Variants in PPM1G observed in about 807,000 individuals in gnomAD.
The protein encoded by PPM1G is protein phosphatase, Mg2+/Mn2+ dependent 1G, also known as protein phosphatase 1G.
PPM1G carries 12 observed loss-of-function variants against 59.4 expected under a neutral mutation model. That is an observed-to-expected ratio of 0.20 (90% CI 0.13 to 0.33). PPM1G has a LOEUF of 0.33. Ranked by LOEUF, PPM1G falls within the 10% of genes least tolerant of loss-of-function variation. The pLI, the probability that PPM1G is intolerant of heterozygous loss-of-function variation, is 1.00. For missense variants in PPM1G, 392 were observed against 681.3 expected, an observed-to-expected ratio of 0.58 and a Z score of 4.73; for synonymous variants, 245 against 251.9, an observed-to-expected ratio of 0.97 and a Z score of 0.26.
At chr2:27,395,687 T>A (rs926373105) in intron 1 of PPM1G, among the ~76,000 whole-genome samples, 17 of 151,006 alleles carry the variant, frequency 1.1e-4, no homozygotes, top group African/African-American at 3.4e-4. Flanking sequence ...TACGAAAAAA[T>A]TTTTTAAATT....
intron 1 of PPM1G, among the ~76,000 whole-genome samples, chr2:27,399,173 A>C (rs2950833): frequency 2.1e-4 from 21 of 99,938 alleles, no homozygotes; most frequent in African/African-American, 6.7e-4. Flanking sequence ...ACAACAACAA[A>C]AACAAAACAA....
chr2:27,393,130 G>A (rs1683957073), intron 1 of PPM1G: 4 of 1,348,196 alleles, frequency 3.0e-6, no homozygotes, highest in Admixed American at 1.7e-5. Context: ...AGGAAGATTC[G>A]GCCACCTCGT....
At chr2:27,399,844 G>A (rs1338658874) in intron 1 of PPM1G, among the ~76,000 whole-genome samples, 1 of 151,462 alleles carries the variant, frequency 6.6e-6, no homozygotes, top group Non-Finnish European at 1.5e-5. Context: ...TGTTAAACAC[G>A]TAGTTACCAT....
At chr2:27,407,864 A>G (rs1264894525) in intron 1 of PPM1G, among the ~76,000 whole-genome samples, 2 of 152,156 alleles carry the variant, frequency 1.3e-5, no homozygotes, top group East Asian at 3.9e-4. Flanking sequence ...CCTGACCCAC[A>G]TGAAGAAACC....
At position 27,404,549 on chromosome 2, in the gene PPM1G, C is replaced by CA. The variant is rs1205828680; in HGVS notation, c.120+4753dup. On this transcript the variant is annotated intron_variant, in intron 1 of 9. Coordinates refer to ENST00000344034, the MANE Select transcript of PPM1G (RefSeq NM_177983.3). The stretch of plus-strand genomic sequence containing the variant: ...CGGGTGACAATGCGAGACTCCGTTT[C>CA]AAAAAAAAAAAAAATTCCTAACTCT... Among the ~76,000 whole-genome samples, 449 of 134,538 alleles carry CA rather than the reference C, an allele frequency of 3.3e-3. 1 individual carries two copies. The highest frequency in any genetic ancestry group is 9.6e-3 in the African/African-American group (351 of 36,454). 88.3% of individuals were successfully genotyped at this position (134,538 alleles called of 152,430 possible).
In PPM1G at chr2:27,382,930, G is replaced by C. The variant is rs1227514624; in HGVS notation, c.1202-325C>G. 1.3e-5 allele frequency among the ~76,000 whole-genome samples: 2 copies of C among 151,618 alleles called. No homozygotes were observed. Among genetic ancestry groups the C allele is most frequent in the Non-Finnish European group, 2.9e-5 (2 of 67,916 alleles). On this transcript the variant is annotated intron_variant, in intron 7 of 9. Transcript: ENST00000344034. The surrounding 1 kb of genome is among the most constrained non-coding windows in gnomAD (Gnocchi z 4.2). The stretch of plus-strand genomic sequence containing the variant: ...AACCTCCGCCTCCCGGATTCAAGCG[G>C]TTCTCCTGCCTCAGCCTCCTGAGTA...
At chr2:27,405,478 G>A (rs912844848) in intron 1 of PPM1G, among the ~76,000 whole-genome samples, 14 of 150,850 alleles carry the variant, frequency 9.3e-5, no homozygotes, top group Admixed American at 2.6e-4. Flanking sequence ...TTTTTGAGAC[G>A]GAGTCTGTCA....
At chr2:27,386,962 G>T in intron 2 of PPM1G, 127 bp downstream of exon 2, 1 of 686,086 alleles carries the variant, frequency 1.5e-6, no homozygotes. Flanking sequence ...CAGAAAAACA[G>T]CACCACGCAG....
Position 27,385,507 on chromosome 2 carries a change from C to T in PPM1G, c.409+240G>A. 2.0e-6 allele frequency: 1 copy of T among 504,086 alleles called. No individual in the cohort carries two copies. The highest frequency in any genetic ancestry group is 3.4e-5 in the East Asian group (1 of 29,508). The allele number at this position is 504,086 out of a possible 1,614,324, so 31.2% of individuals were successfully genotyped here. A position where few individuals can be genotyped will look rare whatever the true frequency, so the allele number is the denominator to read the frequency against. On this transcript the variant is annotated intron_variant, in intron 4 of 9. Transcript: ENST00000344034. The surrounding 1 kb of genome is among the most constrained non-coding windows in gnomAD (Gnocchi z 4.1). ...AATACTAGCAGGAACCAGGAAGACC[C>T]CATCACAATGACAAAAGATAATGTA...
Position 27,409,472 on chromosome 2 carries a change from G to C in PPM1G, c.-50C>G, listed in dbSNP as rs1663464804. ...GGTGCAGGAAAGCTGGGCGCGACCC[G>C]TGCCGGAGCCGAAGCCCCGGGGGTG... On this transcript the variant is annotated 5_prime_UTR_variant, in exon 1 of 10. Coordinates refer to ENST00000344034, the MANE Select transcript of PPM1G (RefSeq NM_177983.3). 4 of 1,426,642 alleles carry C rather than the reference G, an allele frequency of 2.8e-6. No individual in the cohort carries two copies. The highest frequency in any genetic ancestry group is 3.7e-6 in the Non-Finnish European group (4 of 1,094,036). The allele number at this position is 1,426,642 out of a possible 1,614,324, so 88.4% of individuals were successfully genotyped here. A position where few individuals can be genotyped will look rare whatever the true frequency, so the allele number is the denominator to read the frequency against.
chr2:27,394,692 G>A (rs973623267), intron 1 of PPM1G, among the ~76,000 whole-genome samples: 55 of 146,732 alleles, frequency 3.7e-4, no homozygotes, highest in Admixed American at 2.4e-3. Flanking sequence ...GCAGTGAGCC[G>A]AGATCGTGCC....
chr2:27,391,057 A>G (rs925244085), intron 1 of PPM1G, among the ~76,000 whole-genome samples: 2 of 152,226 alleles, frequency 1.3e-5, no homozygotes, highest in Non-Finnish European at 2.9e-5. Context: ...GCTATGTACC[A>G]TATTTTCTTT....
chr2:27,396,415 G>A (rs1486063026), intron 1 of PPM1G, among the ~76,000 whole-genome samples: 2 of 152,078 alleles, frequency 1.3e-5, no homozygotes, highest in Admixed American at 6.6e-5. Context: ...AAGAGAATGG[G>A]GACTCATTTA....
intron 1 of PPM1G, among the ~76,000 whole-genome samples, chr2:27,391,728 T>C (rs1342877783): frequency 3.3e-5 from 5 of 151,818 alleles, no homozygotes; most frequent in East Asian, 1.9e-4. Flanking sequence ...GATGTTCTTT[T>C]TTTCTTTCTT....
intron 1 of PPM1G, among the ~76,000 whole-genome samples, chr2:27,401,273 A>C (rs1476677573): frequency 2.6e-5 from 4 of 152,178 alleles, no homozygotes; most frequent in Admixed American, 2.6e-4. Flanking sequence ...AGAGTAATTT[A>C]CTCTTCCAGG....
At chr2:27,402,733 G>A (rs1373434471) in intron 1 of PPM1G, among the ~76,000 whole-genome samples, 5 of 151,532 alleles carry the variant, frequency 3.3e-5, no homozygotes, top group Non-Finnish European at 5.9e-5. Flanking sequence ...GCATGAACCC[G>A]GGAGGCGGAG....
In PPM1G at chr2:27,382,308, G is replaced by C. The variant is rs1683653652; in HGVS notation, c.1332-80C>G. The C allele has an allele frequency of 1.3e-6, 2 of 1,562,302 alleles. No homozygotes were observed. ...GAGTATGGACAGAGGTGGTGGCCCAGGCCAGTGTAAATAACTACAGAAATT... is the reference window on the plus strand; with the variant it reads ...GAGTATGGACAGAGGTGGTGGCCCACGCCAGTGTAAATAACTACAGAAATT... On this transcript the variant is annotated intron_variant, in intron 8 of 9. Transcript: ENST00000344034. This position sits in a 1 kb window ranked among gnomAD's most constrained non-coding sequence, Gnocchi z 4.2.
At chr2:27,393,684 A>G (rs1177291741) in intron 1 of PPM1G, among the ~76,000 whole-genome samples, 2 of 152,164 alleles carry the variant, frequency 1.3e-5, no homozygotes, top group Non-Finnish European at 2.9e-5. Context: ...TCCCGGGTTC[A>G]AGCAATTCTC....
intron 1 of PPM1G, among the ~76,000 whole-genome samples, chr2:27,399,173 A>AACAACAACAACAACAAC: frequency 1.0e-5 from 1 of 99,940 alleles, no homozygotes; most frequent in African/African-American, 4.5e-5. Flanking sequence ...ACAACAACAA[A>AACAACAACAACAACAAC]AACAAAACAA....
Sources: allele counts gnomAD v4.1 joint callset (sites outside exome capture counted in the v4.1 genomes callset), GRCh38; gene constraint gnomAD v4.1.1; non-coding constraint Gnocchi (gnomAD v3.1); transcripts MANE v1.5; gene names NCBI Gene and HGNC (gene_info 2026-07-23, HGNC 2026-07-21).